CTNNA3: variants seen among roughly 807,000 people sequenced by gnomAD.
The protein encoded by CTNNA3 is catenin alpha 3.
A neutral mutation model predicts 95.7 loss-of-function variants in CTNNA3; 76 were observed. That is an observed-to-expected ratio of 0.79 (90% confidence interval 0.66 to 0.96). The LOEUF (loss-of-function observed/expected upper bound fraction) is 0.96, where lower values mean the gene tolerates loss of function less well. Ranked by LOEUF, CTNNA3 falls within the 40% of genes least tolerant of loss-of-function variation. The pLI is 0.00. For synonymous variants in CTNNA3, 431 were observed against 374.4 expected (o/e 1.15, Z -1.74); for missense variants, 1,191 against 1,089.8 (o/e 1.09, Z -1.31).
chr10:66,456,927 C>T (rs1264634577), intron 11 of CTNNA3, among the ~76,000 whole-genome samples: 1 of 151,976 alleles, frequency 6.6e-6, no homozygotes, highest in Non-Finnish European at 1.5e-5. Context: ...AAACCCATCT[C>T]TACAAATTTT....
intron 11 of CTNNA3, among the ~76,000 whole-genome samples, chr10:66,451,298 T>C (rs144997899): frequency 5.3e-5 from 8 of 152,300 alleles, no homozygotes; most frequent in African/African-American, 1.9e-4. Context: ...TTGACACGTG[T>C]CATTTTATTT....
At chr10:66,422,354 T>C (rs1447286651) in intron 11 of CTNNA3, among the ~76,000 whole-genome samples, 1 of 152,186 alleles carries the variant, frequency 6.6e-6, no homozygotes, top group Non-Finnish European at 1.5e-5. Context: ...ATCAGTTTTT[T>C]ATCACTTAAT....
At chr10:66,367,870 TAATAATAATA>T (rs1564903097) in intron 12 of CTNNA3, among the ~76,000 whole-genome samples, 1,264 of 33,130 alleles carry the variant, frequency 0.038, 10 homozygotes, top group South Asian at 0.055. Flanking sequence ...ATAATAATAA[TAATAATAATA>T]ATTATTATTA....
intron 10 of CTNNA3, among the ~76,000 whole-genome samples, chr10:66,554,455 C>A (rs910008519): frequency 2.1e-4 from 32 of 152,124 alleles, no homozygotes; most frequent in African/African-American, 7.5e-4. Context: ...CTAATTCTCT[C>A]TGTTCTCCTT....
chr10:67,626,669 G>A (rs1179809149), intron 2 of CTNNA3, among the ~76,000 whole-genome samples: 3 of 152,108 alleles, frequency 2.0e-5, no homozygotes, highest in Non-Finnish European at 4.4e-5. Flanking sequence ...CTCAAAAGTC[G>A]TGAATGGGTT....
At position 66,866,364 on chromosome 10, in the gene CTNNA3, A is replaced by G. The variant is rs531611408; in HGVS notation, c.1048-90840T>C. Among the ~76,000 whole-genome samples the G allele has an allele frequency of 3.9e-5, 6 of 152,320 alleles. No homozygotes were observed. In the South Asian group the frequency reaches 1.0e-3, roughly 26 times the overall value. On this transcript the variant is annotated intron_variant, in intron 7 of 17. Transcript: ENST00000433211. ...AAAGAGATTAGGTCTTCACCTTTGC[A>G]TCCTCCACTAGAGCTTAGAATGTTG...
At chr10:66,823,697 C>T (rs534187034) in intron 7 of CTNNA3, among the ~76,000 whole-genome samples, 39 of 152,272 alleles carry the variant, frequency 2.6e-4, no homozygotes, top group Admixed American at 7.2e-4. Flanking sequence ...GAGTTTTGTG[C>T]TAGACACTGC....
At position 67,561,830 on chromosome 10, in the gene CTNNA3, A is replaced by G. The variant is rs191261004; in HGVS notation, c.293-22161T>C. On this transcript the variant is annotated intron_variant, in intron 3 of 17. Transcript: ENST00000433211. ...ATATCACCGCCAATGCCACAGAAAT[A>G]CAAACTACCATCAGAGAATACTATA... Among the ~76,000 whole-genome samples, 594 of 152,324 alleles carry G rather than the reference A, an allele frequency of 3.9e-3. 1 individual carries two copies. The highest frequency in any genetic ancestry group is 5.9e-3 in the Non-Finnish European group (402 of 68,030).
intron 13 of CTNNA3, among the ~76,000 whole-genome samples, chr10:66,230,735 G>C (rs936936175): frequency 1.3e-5 from 2 of 152,148 alleles, no homozygotes; most frequent in African/African-American, 4.8e-5. Flanking sequence ...TGATGGTGAT[G>C]GAAAGCCCTG....
rs542236311 is a variant in CTNNA3 at position 67,741,346 on chromosome 10, C to CAA, written c.-2+22086_-2+22087dup. On this transcript the variant is annotated intron_variant, in intron 1 of 17. Coordinates refer to the CTNNA3 transcript ENST00000684154. ...AAAAAAATAAAAAATAAAAAAAGAA[C>CAA]AAAAAAAAAAAAAGAAAAGAAAAGA... 5.4e-5 allele frequency among the ~76,000 whole-genome samples: 7 copies of CAA among 128,542 alleles called. No homozygotes were observed. The East Asian group carries it at 6.5e-4, about 12-fold the overall frequency. The allele number at this position is 128,542 out of a possible 152,430, so 84.3% of individuals were successfully genotyped here. A position where few individuals can be genotyped will look rare whatever the true frequency, so the allele number is the denominator to read the frequency against.
At chr10:66,090,782 G>A (rs2081184013) in intron 14 of CTNNA3, among the ~76,000 whole-genome samples, 1 of 151,934 alleles carries the variant, frequency 6.6e-6, no homozygotes. Context: ...ATTTACATGG[G>A]ATTTTAGCCA....
intron 7 of CTNNA3, among the ~76,000 whole-genome samples, chr10:67,155,200 A>G (rs1861255508): frequency 6.6e-6 from 1 of 152,204 alleles, no homozygotes; most frequent in Admixed American, 6.5e-5. Context: ...CCAGGTGCAT[A>G]ACAGAAGCTC....
At chr10:65,984,299 G>C (rs1366208844) in intron 16 of CTNNA3, among the ~76,000 whole-genome samples, 1 of 151,080 alleles carries the variant, frequency 6.6e-6, no homozygotes, top group Non-Finnish European at 1.5e-5. Flanking sequence ...TGCCTAAAAT[G>C]TCTTAATCTA....
At chr10:66,817,484 A>G (rs1564702172) in intron 7 of CTNNA3, among the ~76,000 whole-genome samples, 1 of 152,046 alleles carries the variant, frequency 6.6e-6, no homozygotes, top group Admixed American at 6.5e-5. Context: ...AAGCATGGAC[A>G]TTACTATTGA....
chr10:66,417,848 T>C (rs952755885), intron 11 of CTNNA3, among the ~76,000 whole-genome samples: 1 of 151,888 alleles, frequency 6.6e-6, no homozygotes, highest in African/African-American at 2.4e-5. Flanking sequence ...TCAAAATCTG[T>C]GGGATACAGC....
intron 7 of CTNNA3, among the ~76,000 whole-genome samples, chr10:67,083,909 A>G (rs1216139549): frequency 1.3e-5 from 2 of 152,186 alleles, no homozygotes; most frequent in African/African-American, 4.8e-5. Context: ...AAGAATAAAA[A>G]TAAAGATAAG....
chr10:66,945,134 G>A (rs989477610), intron 7 of CTNNA3, among the ~76,000 whole-genome samples: 6 of 152,118 alleles, frequency 3.9e-5, no homozygotes, highest in Non-Finnish European at 4.4e-5. Context: ...TTTGAGGCCA[G>A]GCATTGACTT....
At chr10:66,300,884 C>A (rs1308366321) in intron 12 of CTNNA3, among the ~76,000 whole-genome samples, 1 of 151,216 alleles carries the variant, frequency 6.6e-6, no homozygotes, top group African/African-American at 2.4e-5. Flanking sequence ...TCAACAAAAT[C>A]AAAAGCTAGT....
intron 7 of CTNNA3, among the ~76,000 whole-genome samples, chr10:67,149,527 G>A (rs1035125370): frequency 6.6e-6 from 1 of 152,182 alleles, no homozygotes; most frequent in Non-Finnish European, 1.5e-5. Flanking sequence ...GGAGCTTGCA[G>A]TGAGCCGAGA....
Sources: allele counts gnomAD v4.1 joint callset (sites outside exome capture counted in the v4.1 genomes callset), GRCh38; gene constraint gnomAD v4.1.1; transcripts MANE v1.5; gene names NCBI Gene and HGNC (gene_info 2026-07-23, HGNC 2026-07-21).